The following CHN1 variants were observed in gnomAD, a reference collection of about 807,000 sequenced individuals.
CHN1 encodes the protein N-chimaerin.
In CHN1, 37 loss-of-function variants were observed where a neutral mutation model predicts 59.5. That is an observed-to-expected ratio of 0.62 (90% CI 0.48 to 0.82). The LOEUF (loss-of-function observed/expected upper bound fraction) is 0.82, where lower values mean the gene tolerates loss of function less well. Ranked by LOEUF, CHN1 falls within the 40% of genes least tolerant of loss-of-function variation. CHN1 has a pLI of 0.00. For synonymous variants in CHN1, 206 were observed against 200.4 expected, an observed-to-expected ratio of 1.03 and a Z score of -0.24; for missense variants, 469 against 571.0, an observed-to-expected ratio of 0.82 and a Z score of 1.82.
At chr2:174,876,700 A>G (rs1687574604) in intron 6 of CHN1, among the ~76,000 whole-genome samples, 1 of 152,192 alleles carries the variant, frequency 6.6e-6, no homozygotes, top group African/African-American at 2.4e-5. Context: ...TCTTATTTCC[A>G]TTCTGTACCC....
intron 1 of CHN1, among the ~76,000 whole-genome samples, chr2:174,999,324 G>C (rs1013007203): frequency 5.3e-5 from 8 of 152,140 alleles, no homozygotes; most frequent in African/African-American, 1.9e-4. Flanking sequence ...GATAAATAAA[G>C]TCTTCTAAAG....
intron 3 of CHN1, among the ~76,000 whole-genome samples, chr2:174,928,225 C>T (rs539551563): frequency 7.9e-5 from 12 of 152,214 alleles, no homozygotes; most frequent in African/African-American, 1.9e-4. Flanking sequence ...GCCACTGCCT[C>T]GTGGCTTAGG....
chr2:174,921,090 G>C (rs1689004261), intron 3 of CHN1: 4 of 370,850 alleles, frequency 1.1e-5, no homozygotes, highest in African/African-American at 8.1e-5. Context: ...AATGGGGAGC[G>C]GCTGTAGTTG....
At chr2:174,914,040 C>G (rs996671120) in intron 5 of CHN1, among the ~76,000 whole-genome samples, 1 of 152,166 alleles carries the variant, frequency 6.6e-6, no homozygotes, top group Non-Finnish European at 1.5e-5. Flanking sequence ...GCAAAGACTC[C>G]GAAGTCAGAC....
Position 174,983,656 on chromosome 2 carries a change from C to T in CHN1, c.19+21238G>A, listed in dbSNP as rs144576654. Among the ~76,000 whole-genome samples the T allele has an allele frequency of 2.6e-5, 4 of 152,028 alleles. No individual in the cohort carries two copies. In the East Asian group the frequency reaches 7.7e-4, roughly 29 times the overall value. The stretch of plus-strand genomic sequence containing the variant: ...CAGCCTGGCCAATATGGTGAAACCC[C>T]GTCTCTATGAAAAATACAAAAATTA... On this transcript the variant is annotated intron_variant, in intron 1 of 12. Transcript: ENST00000409900.
At chr2:174,955,104 T>G (rs903644165) in intron 1 of CHN1, among the ~76,000 whole-genome samples, 1 of 148,532 alleles carries the variant, frequency 6.7e-6, no homozygotes, top group African/African-American at 2.5e-5. Context: ...TCTATATATA[T>G]AGATCTATAG....
At chr2:174,865,307 A>G (rs1265308110) in intron 6 of CHN1, among the ~76,000 whole-genome samples, 3 of 152,152 alleles carry the variant, frequency 2.0e-5, no homozygotes, top group Admixed American at 2.0e-4. Flanking sequence ...TAAACTAACT[A>G]CTTAAAAGAT....
chr2:174,975,262 T>C (rs1429951382), intron 1 of CHN1, among the ~76,000 whole-genome samples: 1 of 152,208 alleles, frequency 6.6e-6, no homozygotes, highest in Admixed American at 6.5e-5. Context: ...TGCATGTGTG[T>C]TTGAGAGCCA....
intron 5 of CHN1, among the ~76,000 whole-genome samples, chr2:174,914,288 G>GT (rs1323324774): frequency 1.3e-5 from 2 of 152,184 alleles, no homozygotes; most frequent in Non-Finnish European, 1.5e-5. Context: ...GTTAGCAGGA[G>GT]TATTTGTTTC....
intron 8 of CHN1, among the ~76,000 whole-genome samples, chr2:174,821,113 C>A (rs920063897): frequency 2.6e-5 from 4 of 152,162 alleles, no homozygotes; most frequent in Admixed American, 2.6e-4. Flanking sequence ...ACCACAAACT[C>A]CTGGCTTGAA....
At chr2:174,926,026 G>GA (rs961832398) in intron 3 of CHN1, among the ~76,000 whole-genome samples, 5 of 151,940 alleles carry the variant, frequency 3.3e-5, no homozygotes, top group Admixed American at 6.6e-5. Context: ...TTTCACTGGA[G>GA]AAAAAAACTT....
intron 7 of CHN1, among the ~76,000 whole-genome samples, chr2:174,835,520 C>T (rs1686044138): frequency 1.3e-5 from 2 of 151,324 alleles, no homozygotes; most frequent in African/African-American, 4.9e-5. Flanking sequence ...ACCCAAATTA[C>T]ACTTATGTTA....
intron 1 of CHN1, among the ~76,000 whole-genome samples, chr2:174,964,291 C>G (rs1690526760): frequency 6.6e-6 from 1 of 152,140 alleles, no homozygotes; most frequent in Non-Finnish European, 1.5e-5. Flanking sequence ...GAGAAGTTAC[C>G]TTATTACATG....
At chr2:174,943,850 GTC>G (rs915912806) in intron 3 of CHN1, among the ~76,000 whole-genome samples, 4 of 152,008 alleles carry the variant, frequency 2.6e-5, no homozygotes, top group Admixed American at 2.6e-4. Flanking sequence ...GGAGAACAAG[GTC>G]TCACTATGTT....
rs1218689102 is a variant in CHN1, at chr2:174,917,162, G to A, written c.146+1372C>T. ...AAAACCTCATTGCAGTCCAGGTGCGGTGGCTCACGCCTATAATCCCAACAC... is the reference window on the plus strand; with the variant it reads ...AAAACCTCATTGCAGTCCAGGTGCGATGGCTCACGCCTATAATCCCAACAC... On this transcript the variant is annotated intron_variant, in intron 4 of 12. Transcript: ENST00000409900. 2.0e-5 allele frequency among the ~76,000 whole-genome samples: 3 copies of A among 152,182 alleles called. No individual in the cohort carries two copies. The East Asian group carries it at 5.8e-4, about 29-fold the overall frequency.
chr2:174,847,578 C>T, intron 6 of CHN1: 1 of 1,288,740 alleles, frequency 7.8e-7, no homozygotes, highest in Non-Finnish European at 1.0e-6. Context: ...GCAACAGACA[C>T]CCTATGAAGC....
chr2:174,938,766 G>T (rs17198332), intron 3 of CHN1, among the ~76,000 whole-genome samples: 8 of 151,832 alleles, frequency 5.3e-5, no homozygotes, highest in Non-Finnish European at 7.4e-5. Context: ...TACAAGGAGA[G>T]CCAGTCACAG....
intron 3 of CHN1, among the ~76,000 whole-genome samples, chr2:174,940,220 T>C (rs1574190373): frequency 6.6e-6 from 1 of 152,056 alleles, no homozygotes; most frequent in Admixed American, 6.5e-5. Context: ...GTAGAGATGG[T>C]GTTTCACCAC....
At chr2:174,955,220 T>G (rs796298575) in intron 1 of CHN1, among the ~76,000 whole-genome samples, 3 of 42,932 alleles carry the variant, frequency 7.0e-5, no homozygotes, top group East Asian at 4.0e-4. Flanking sequence ...TATATATATC[T>G]ATATAGATAT....
Sources: gnomAD v4.1 joint callset for allele counts (sites outside exome capture counted in the v4.1 genomes callset) on GRCh38, gnomAD v4.1.1 for gene constraint, MANE v1.5 for transcripts, NCBI Gene and HGNC (gene_info 2026-07-23, HGNC 2026-07-21) for gene names.